NFKB1: variants seen among roughly 807,000 people sequenced by gnomAD.
NFKB1 encodes the protein nuclear factor NF-kappa-B p105 subunit.
NFKB1 carries 9 observed loss-of-function variants against 105.1 expected under a neutral mutation model. The observed-to-expected ratio is 0.09, with a 90% CI of 0.05 to 0.15. The LOEUF (loss-of-function observed/expected upper bound fraction) is 0.15, where lower values mean the gene tolerates loss of function less well. NFKB1 is among the 10% of genes least tolerant of loss of function. The pLI is 1.00. For missense variants in NFKB1, 830 were observed against 1,203.7 expected, an observed-to-expected ratio of 0.69 and a Z score of 4.59; for synonymous variants, 440 against 442.2, an observed-to-expected ratio of 1.00 and a Z score of 0.06.
At chr4:102,584,919 TTG>T in intron 11 of NFKB1, 99 bp downstream of exon 11, 1 of 1,203,668 alleles carries the variant, frequency 8.3e-7, no homozygotes, top group Non-Finnish European at 1.1e-6. Context: ...TCTGACTCTG[TTG>T]CCCAGGCTGG....
chr4:102,557,359 G>A (rs79467920), intron 5 of NFKB1, among the ~76,000 whole-genome samples: 1 of 152,252 alleles, frequency 6.6e-6, no homozygotes, highest in African/African-American at 2.4e-5. Context: ...AAGTAAAAAA[G>A]TTAAGTAACT....
intron 5 of NFKB1, among the ~76,000 whole-genome samples, chr4:102,562,624 C>G (rs1018256808): frequency 1.3e-5 from 2 of 152,164 alleles, no homozygotes; most frequent in African/African-American, 2.4e-5. Context: ...AAAAAAAGTC[C>G]TATGAAATCA....
chr4:102,584,765 A>G lies in NFKB1; in HGVS notation c.1011A>G (p.Lys337=), dbSNP rs745652756. Residue 337 remains lysine (K), a synonymous_variant, in exon 11 of 24, where the codon AAA becomes AAG. Transcript: ENST00000226574. The stretch of plus-strand genomic sequence containing the variant: ...CTGTGTTTGTCCAGCTTCGGAGGAA[A>G]TCTGACTTGGAAACTAGTGAACCAA... ...PASVFVQLRR[K]SDLETSEPKP... is the part of the protein sequence containing the mutation. The G allele has an allele frequency of 3.1e-6, 5 of 1,613,036 alleles. No homozygotes were observed. In the East Asian group the frequency reaches 8.9e-5, roughly 29 times the overall value.
At chr4:102,546,699 GA>G (rs1722166235) in intron 5 of NFKB1, among the ~76,000 whole-genome samples, 1 of 152,160 alleles carries the variant, frequency 6.6e-6, no homozygotes, top group African/African-American at 2.4e-5. Flanking sequence ...AGAGACAAAA[GA>G]TAAGGCCTTG....
intron 15 of NFKB1, 141 bp from the exon 16 acceptor site, chr4:102,600,754 T>C: frequency 1.5e-6 from 1 of 649,598 alleles, no homozygotes; most frequent in Non-Finnish European, 2.8e-6. Context: ...ATTCAATGCA[T>C]TTTATAGATT....
At chr4:102,518,618 T>C (rs1392615823) in intron 1 of NFKB1, among the ~76,000 whole-genome samples, 1 of 152,184 alleles carries the variant, frequency 6.6e-6, no homozygotes, top group African/African-American at 2.4e-5. Context: ...ACAAAGCAAA[T>C]TAAAAGATAC....
chr4:102,588,822 T>C (rs1725936684), intron 11 of NFKB1, among the ~76,000 whole-genome samples: 1 of 152,208 alleles, frequency 6.6e-6, no homozygotes, highest in African/African-American at 2.4e-5. Flanking sequence ...TTGACTCCAT[T>C]GTGACCTCAG....
intron 1 of NFKB1, among the ~76,000 whole-genome samples, chr4:102,509,044 A>G (rs1739608968): frequency 6.6e-6 from 1 of 152,196 alleles, no homozygotes; most frequent in Admixed American, 6.5e-5. Flanking sequence ...CTAAACTGGT[A>G]AGAATGGACT....
At chr4:102,588,108 A>G (rs988586511) in intron 11 of NFKB1, among the ~76,000 whole-genome samples, 4 of 152,198 alleles carry the variant, frequency 2.6e-5, no homozygotes, top group Non-Finnish European at 1.5e-5. Context: ...AGTACAAAGA[A>G]TCTTCTTTAG....
At chr4:102,588,171 T>C (rs4648047) in intron 11 of NFKB1, among the ~76,000 whole-genome samples, 2,041 of 152,288 alleles carry the variant, frequency 0.013, 50 homozygotes, top group African/African-American at 0.046. Context: ...TCATTAAATA[T>C]CTGTGGACTG....
chr4:102,536,667 G>A (rs1345809189), intron 4 of NFKB1, among the ~76,000 whole-genome samples: 1 of 152,078 alleles, frequency 6.6e-6, no homozygotes, highest in African/African-American at 2.4e-5. Context: ...GTTTGCTGGG[G>A]TTCCACAATT....
chr4:102,509,983 C>T (rs1739673052), intron 1 of NFKB1, among the ~76,000 whole-genome samples: 1 of 152,142 alleles, frequency 6.6e-6, no homozygotes, highest in Non-Finnish European at 1.5e-5. Context: ...CCGGTGTTCC[C>T]CAACCATCCC....
At chr4:102,607,583 G>A (rs1016446251) in intron 18 of NFKB1, 66 bp from the exon 19 acceptor site, 5 of 1,499,424 alleles carry the variant, frequency 3.3e-6, no homozygotes, top group Non-Finnish European at 4.6e-6. Flanking sequence ...CATGCACACT[G>A]GGAGGTGGGG....
chr4:102,510,819 G>A, intron 1 of NFKB1: 1 of 427,486 alleles, frequency 2.3e-6, no homozygotes, highest in Admixed American at 4.6e-5. Flanking sequence ...AACTATATTT[G>A]GAGGGAGAAG....
At chr4:102,593,663 G>A in intron 12 of NFKB1, 95 bp downstream of exon 12, 1 of 1,240,394 alleles carries the variant, frequency 8.1e-7, no homozygotes, top group Non-Finnish European at 1.1e-6. Context: ...GAGTTGAGTG[G>A]CTATGATATT....
chr4:102,539,173 G>C (rs1227750709), intron 5 of NFKB1, among the ~76,000 whole-genome samples: 1 of 144,018 alleles, frequency 6.9e-6, no homozygotes, highest in Non-Finnish European at 1.5e-5. Context: ...GGAAGCGGAG[G>C]TTGCAGTGAG....
intron 5 of NFKB1, among the ~76,000 whole-genome samples, chr4:102,547,282 A>G (rs571379039): frequency 1.3e-4 from 20 of 152,310 alleles, no homozygotes; most frequent in African/African-American, 4.6e-4. Context: ...CATAGTTAAC[A>G]TGGATAATTT....
chr4:102,579,758 A>T (rs1037006899), intron 8 of NFKB1, among the ~76,000 whole-genome samples: 1 of 151,596 alleles, frequency 6.6e-6, no homozygotes, highest in African/African-American at 2.4e-5. Context: ...TTGATTATGC[A>T]TAGGATTGAT....
intron 1 of NFKB1, among the ~76,000 whole-genome samples, chr4:102,517,860 ATAG>A (rs1361948570): frequency 1.3e-5 from 2 of 152,236 alleles, no homozygotes; most frequent in Non-Finnish European, 2.9e-5. Context: ...TGATTAGGAC[ATAG>A]TAGTAGTTGA....
Sources: allele counts gnomAD v4.1 joint callset (sites outside exome capture counted in the v4.1 genomes callset), GRCh38; gene constraint gnomAD v4.1.1; transcripts MANE v1.5; gene names NCBI Gene and HGNC (gene_info 2026-07-23, HGNC 2026-07-21).